The following ARHGEF10L variants were observed in gnomAD, a reference collection of about 807,000 sequenced individuals.
ARHGEF10L encodes Rho guanine nucleotide exchange factor 10 like, also known as rho guanine nucleotide exchange factor 10-like protein.
ARHGEF10L carries 69 observed loss-of-function variants against 141.2 expected under a neutral mutation model. The observed-to-expected ratio is 0.49, with a 90% CI of 0.40 to 0.60. The LOEUF is 0.60. Among genes scored for constraint, ARHGEF10L ranks in the 20% least tolerant of loss-of-function variants. The pLI, the probability that ARHGEF10L is intolerant of heterozygous loss-of-function variation, is 0.00. For missense variants in ARHGEF10L, 1,482 were observed against 1,734.3 expected (o/e 0.85, Z 2.58); for synonymous variants, 711 against 718.5 (o/e 0.99, Z 0.17).
At chr1:17,676,772 AGTCCCCT>A (rs2063751544) in intron 26 of ARHGEF10L, among the ~76,000 whole-genome samples, 1 of 152,112 alleles carries the variant, frequency 6.6e-6, no homozygotes, top group East Asian at 1.9e-4. Context: ...GACAGGTCCC[AGTCCCCT>A]AAAGGCTCTG....
At chr1:17,557,956 T>G (rs2077400480) in intron 1 of ARHGEF10L, among the ~76,000 whole-genome samples, 1 of 152,176 alleles carries the variant, frequency 6.6e-6, no homozygotes, top group Non-Finnish European at 1.5e-5. Flanking sequence ...CTGGGCACAG[T>G]GTCCTCTGAC....
rs964008068 is a variant in ARHGEF10L, at chr1:17,558,903, C to A, written c.-44+18953C>A. 6.6e-6 allele frequency among the ~76,000 whole-genome samples: 1 copy of A among 152,206 alleles called. No individual in the cohort carries two copies. The highest frequency in any genetic ancestry group is 1.5e-5 in the Non-Finnish European group (1 of 68,028). On this transcript the variant is annotated intron_variant, in intron 1 of 28. Coordinates refer to ENST00000361221, the MANE Select transcript of ARHGEF10L (RefSeq NM_018125.4). This position sits in a 1 kb window ranked among gnomAD's most constrained non-coding sequence, Gnocchi z 4.2. ...GAATGGTGGGGAGGGCTGAGGGGCC[C>A]TTCCCCAGCTTCCTCGGCTTTCAGC...
At chr1:17,681,721 G>A (rs554161639) in intron 26 of ARHGEF10L, among the ~76,000 whole-genome samples, 2 of 152,142 alleles carry the variant, frequency 1.3e-5, no homozygotes, top group African/African-American at 2.4e-5. Flanking sequence ...GGGTAGCGTC[G>A]GCTGGATCTC....
intron 1 of ARHGEF10L, among the ~76,000 whole-genome samples, chr1:17,549,324 C>T (rs530512629): frequency 2.0e-5 from 3 of 152,020 alleles, no homozygotes; most frequent in Non-Finnish European, 2.9e-5. Context: ...TGCCCAGCCT[C>T]GTGAGTCTTA....
At chr1:17,611,524 C>A (rs549283527) in intron 7 of ARHGEF10L, among the ~76,000 whole-genome samples, 1 of 150,740 alleles carries the variant, frequency 6.6e-6, no homozygotes, top group East Asian at 1.9e-4. Flanking sequence ...GGTGCCTCAT[C>A]TGTCTGTATA....
chr1:17,623,929 G>C lies in ARHGEF10L; in HGVS notation c.1201-458G>C, dbSNP rs900404932. On this transcript the variant is annotated intron_variant, in intron 12 of 28. Transcript: ENST00000361221. The surrounding 1 kb of genome is among the most constrained non-coding windows in gnomAD (Gnocchi z 4.7). The stretch of plus-strand genomic sequence containing the variant: ...AGAGAGAGTTGATTGACTCCAGGCC[G>C]ACCATCCCTCCCTTGGTAACTCAAC... 6.6e-6 allele frequency among the ~76,000 whole-genome samples: 1 copy of C among 152,186 alleles called. No homozygotes were observed. Among genetic ancestry groups the C allele is most frequent in the Admixed American group, 6.5e-5 (1 of 15,282 alleles).
chr1:17,680,974 T>C (rs2064089184), intron 26 of ARHGEF10L, among the ~76,000 whole-genome samples: 2 of 152,028 alleles, frequency 1.3e-5, no homozygotes, highest in African/African-American at 2.4e-5. Flanking sequence ...AGTAGAGACA[T>C]GTTGGCCAGG....
intron 4 of ARHGEF10L, among the ~76,000 whole-genome samples, chr1:17,592,787 C>T (rs574335759): frequency 1.1e-4 from 16 of 152,184 alleles, no homozygotes; most frequent in Middle Eastern, 3.4e-3. Context: ...TTCCCAAATC[C>T]GGAACATTTG....
intron 7 of ARHGEF10L, among the ~76,000 whole-genome samples, chr1:17,610,041 C>T (rs952940924): frequency 3.9e-5 from 6 of 152,214 alleles, no homozygotes; most frequent in African/African-American, 7.2e-5. Context: ...CATGTTGTCC[C>T]CGGCCCTCTT....
chr1:17,652,033 G>C (rs1321950708), intron 22 of ARHGEF10L, among the ~76,000 whole-genome samples: 2 of 152,222 alleles, frequency 1.3e-5, no homozygotes, highest in Non-Finnish European at 2.9e-5. Flanking sequence ...CCCCCTTCCA[G>C]CTCACCACGT....
intron 19 of ARHGEF10L, 86 bp from the exon 20 acceptor site, chr1:17,638,476 G>A (rs997582940): frequency 3.8e-5 from 60 of 1,568,820 alleles, no homozygotes; most frequent in Non-Finnish European, 5.0e-5. Context: ...TCTTCCTCTG[G>A]GGTGCTGTGA....
intron 2 of ARHGEF10L, among the ~76,000 whole-genome samples, chr1:17,585,394 TGCCTG>T (rs2078940880): frequency 6.6e-6 from 1 of 152,168 alleles, no homozygotes; most frequent in South Asian, 2.1e-4. Context: ...ATCAGGAAGC[TGCCTG>T]GGGCACAGCT....
intron 2 of ARHGEF10L, 51 bp from the exon 3 acceptor site, chr1:17,587,409 T>C (rs761912664): frequency 1.3e-6 from 2 of 1,573,790 alleles, no homozygotes. Context: ...ATCTCTCCAT[T>C]GACCAAACCT....
At position 17,616,189 on chromosome 1, in the gene ARHGEF10L, G is replaced by A. The variant is rs757836723; in HGVS notation, c.822G>A (p.Arg274=). Residue 274 remains arginine (R), a synonymous_variant, in exon 9 of 29, where the codon AGG becomes AGA. Coordinates refer to ENST00000361221, the MANE Select transcript of ARHGEF10L (RefSeq NM_018125.4). ...AVMRKVSFLH[R]KDVLGDSEEE... is the part of the protein sequence containing the mutation. ...TGCGCAAAGTCTCCTTCCTGCACAG[G>A]AAGGACGTCCTCGGTGAGGCGCTGC... 6.4e-7 allele frequency: 1 copy of A among 1,571,082 alleles called. No homozygotes were observed. The highest frequency in any genetic ancestry group is 8.7e-7 in the Non-Finnish European group (1 of 1,152,346).
chr1:17,656,111 C>A lies in ARHGEF10L; in HGVS notation c.2705+9C>A. The A allele has an allele frequency of 6.5e-7, 1 of 1,549,794 alleles. No individual in the cohort carries two copies. Among genetic ancestry groups the A allele is most frequent in the Non-Finnish European group, 8.7e-7 (1 of 1,147,222 alleles). ...GGGCTCCAGGATGGCAGGTGAGGGGCCCGGAAGGAGGGGTGAGAGCAGCCT... is the reference window on the plus strand; with the variant it reads ...GGGCTCCAGGATGGCAGGTGAGGGGACCGGAAGGAGGGGTGAGAGCAGCCT... On this transcript the variant is annotated intron_variant, in intron 24 of 28. Transcript: ENST00000361221. The surrounding 1 kb of genome is among the most constrained non-coding windows in gnomAD (Gnocchi z 4.9).
chr1:17,547,053 G>A (rs549704146), intron 1 of ARHGEF10L, among the ~76,000 whole-genome samples: 4 of 152,304 alleles, frequency 2.6e-5, no homozygotes, highest in African/African-American at 9.6e-5. Flanking sequence ...CTTGAGCAGC[G>A]CCAACCCTCC....
chr1:17,582,937 G>T (rs1288124025), intron 2 of ARHGEF10L, among the ~76,000 whole-genome samples: 2 of 151,994 alleles, frequency 1.3e-5, no homozygotes. Context: ...TTAAAGGGAG[G>T]AGGTGCAGGC....
intron 21 of ARHGEF10L, among the ~76,000 whole-genome samples, chr1:17,647,298 G>A (rs1447160986): frequency 6.6e-6 from 1 of 152,198 alleles, no homozygotes; most frequent in African/African-American, 2.4e-5. Context: ...GTCATCCTCT[G>A]TGGAGTGAAA....
rs1276936766 is a variant in ARHGEF10L, at chr1:17,607,683, C to T, written c.434-119C>T. On this transcript the variant is annotated intron_variant, in intron 6 of 28. Coordinates refer to ENST00000361221, the MANE Select transcript of ARHGEF10L (RefSeq NM_018125.4). This position sits in a 1 kb window ranked among gnomAD's most constrained non-coding sequence, Gnocchi z 4.5. ...GGAGGTAGAGCTGGAGCCCCAGGGCCCCCATGTTCTCCCTGACCCCCCCTC... is the reference window on the plus strand; with the variant it reads ...GGAGGTAGAGCTGGAGCCCCAGGGCTCCCATGTTCTCCCTGACCCCCCCTC... 4.0e-6 allele frequency: 4 copies of T among 1,003,380 alleles called. No individual in the cohort carries two copies. In the East Asian group the frequency reaches 1.3e-4, roughly 32 times the overall value. The allele number at this position is 1,003,380 out of a possible 1,614,324, so 62.2% of individuals were successfully genotyped here. A position where few individuals can be genotyped will look rare whatever the true frequency, so the allele number is the denominator to read the frequency against.
Sources: allele counts gnomAD v4.1 joint callset (sites outside exome capture counted in the v4.1 genomes callset), GRCh38; gene constraint gnomAD v4.1.1; non-coding constraint Gnocchi (gnomAD v3.1); transcripts MANE v1.5; gene names NCBI Gene and HGNC (gene_info 2026-07-23, HGNC 2026-07-21).